The following RALGAPA1 variants were observed in gnomAD, a reference collection of about 807,000 sequenced individuals.
RALGAPA1 encodes Ral GTPase activating protein catalytic subunit alpha 1, also known as ral GTPase-activating protein subunit alpha-1.
In RALGAPA1, 52 loss-of-function variants were observed where a neutral mutation model predicts 269.6. That is an observed-to-expected ratio of 0.19 (90% CI 0.15 to 0.24). The LOEUF (loss-of-function observed/expected upper bound fraction) is 0.24, where lower values mean the gene tolerates loss of function less well. Among genes scored for constraint, RALGAPA1 ranks in the 10% least tolerant of loss-of-function variants. RALGAPA1 has a pLI of 1.00. For missense variants in RALGAPA1, 1,917 were observed against 3,013.9 expected (o/e 0.64, Z 8.52); for synonymous variants, 817 against 1,008.3 (o/e 0.81, Z 3.60).
Position 35,770,959 on chromosome 14 carries a change from C to T in RALGAPA1, c.308G>A (p.Trp103Ter). Reference protein sequence around the residue: ...QLLPERIHQRWQFHSIGLILK... With the variant: ...QLLPERIHQR ...TTACTTACCAATACTATGAAACTGC[C>T]ATCGCTGATGAATTCTTTCTGGAAG... Residue 103 changes from tryptophan to a stop codon, truncating the protein, a stop_gained, in exon 4 of 42, where the codon TGG becomes TAG. Coordinates refer to ENST00000680220, the MANE Select transcript of RALGAPA1 (RefSeq NM_001346249.2). LOFTEE classifies it high-confidence loss of function. 1.5e-6 allele frequency: 2 copies of T among 1,376,392 alleles called. No homozygotes were observed. The highest frequency in any genetic ancestry group is 2.0e-6 in the Non-Finnish European group (2 of 994,064). 85.3% of individuals were successfully genotyped at this position (1,376,392 alleles called of 1,614,324 possible). A position where few individuals can be genotyped will look rare whatever the true frequency, so the allele number is the denominator to read the frequency against.
At chr14:35,585,675 G>A (rs917190317) in intron 37 of RALGAPA1, among the ~76,000 whole-genome samples, 5 of 152,156 alleles carry the variant, frequency 3.3e-5, no homozygotes, top group African/African-American at 1.2e-4. Flanking sequence ...CATATGGCTA[G>A]CCAGTTTCCC....
chr14:35,627,568 C>T lies in RALGAPA1; in HGVS notation c.6379G>A (p.Gly2127Ser), dbSNP rs2061070899. The T allele has an allele frequency of 6.4e-7, 1 of 1,574,062 alleles. No individual in the cohort carries two copies. The highest frequency in any genetic ancestry group is 1.2e-5 in the South Asian group (1 of 82,878). ...ATGAAAGATGTAGGTTCTGACAAGC[C>T]ACTTACAGGAGGTGGGCCATACAGT... The part of the protein sequence containing the change: ...AILYGPPPVS[G>S]LSEPTSFMLS... The change falls in exon 34 of 42, where the codon GGC (glycine) becomes AGC (serine). Residue 2127 changes from glycine to serine, a missense_variant. Physicochemically the swap from Gly to Ser is moderately conservative, Grantham distance 56. Transcript: ENST00000680220.
chr14:35,567,974 T>A (rs548535139), intron 39 of RALGAPA1, among the ~76,000 whole-genome samples: 5 of 152,242 alleles, frequency 3.3e-5, no homozygotes, highest in African/African-American at 1.2e-4. Context: ...TAGGATATAG[T>A]GAACTGTGAA....
chr14:35,558,190 T>A (rs995849974), intron 39 of RALGAPA1, among the ~76,000 whole-genome samples: 1 of 152,216 alleles, frequency 6.6e-6, no homozygotes, highest in Admixed American at 6.5e-5. Context: ...GAAATAGTTA[T>A]GAGCTACTCA....
chr14:35,650,292 C>T (rs1222783768), intron 31 of RALGAPA1, among the ~76,000 whole-genome samples: 2 of 151,704 alleles, frequency 1.3e-5, no homozygotes, highest in Non-Finnish European at 2.9e-5. Flanking sequence ...GGCTGAAGCA[C>T]GAGAACCGCT....
At chr14:35,639,077 C>T (rs769444518) in intron 31 of RALGAPA1, among the ~76,000 whole-genome samples, 8 of 151,920 alleles carry the variant, frequency 5.3e-5, no homozygotes, top group Non-Finnish European at 1.2e-4. Context: ...CCTATAAAGA[C>T]ACACATATAG....
chr14:35,672,067 T>C (rs1468637716), intron 25 of RALGAPA1, among the ~76,000 whole-genome samples: 1 of 152,208 alleles, frequency 6.6e-6, no homozygotes, highest in East Asian at 1.9e-4. Context: ...TACAGTGTAT[T>C]CAGTTGTATT....
chr14:35,659,448 A>T (rs1239827523), intron 27 of RALGAPA1, among the ~76,000 whole-genome samples: 3 of 152,126 alleles, frequency 2.0e-5, no homozygotes, highest in Non-Finnish European at 4.4e-5. Context: ...AAGTAGAATT[A>T]ATAGCTCATA....
At chr14:35,631,264 AC>A (rs1479660222) in intron 33 of RALGAPA1, among the ~76,000 whole-genome samples, 1 of 152,166 alleles carries the variant, frequency 6.6e-6, no homozygotes, top group Non-Finnish European at 1.5e-5. Context: ...TTCCCTCTTT[AC>A]CACAGCTCTA....
chr14:35,645,622 T>G (rs1379734202), intron 31 of RALGAPA1, among the ~76,000 whole-genome samples: 1 of 150,856 alleles, frequency 6.6e-6, no homozygotes, highest in African/African-American at 2.4e-5. Context: ...TCCCAGCTAC[T>G]CGGGAGGCTG....
At chr14:35,610,893 A>C (rs1566816481) in intron 35 of RALGAPA1, among the ~76,000 whole-genome samples, 1 of 152,238 alleles carries the variant, frequency 6.6e-6, no homozygotes, top group Non-Finnish European at 1.5e-5. Context: ...AATAGCACCC[A>C]AAAGAATAAT....
chr14:35,778,498 G>A (rs548140693), intron 1 of RALGAPA1, among the ~76,000 whole-genome samples: 3 of 152,214 alleles, frequency 2.0e-5, no homozygotes, highest in Admixed American at 2.0e-4. Flanking sequence ...TGTTTCAAAT[G>A]TCTTATTGTC....
At chr14:35,654,268 C>T in intron 30 of RALGAPA1, 99 bp downstream of exon 30, 2 of 1,261,278 alleles carry the variant, frequency 1.6e-6, no homozygotes, top group Non-Finnish European at 2.1e-6. Context: ...TTTAGCTATG[C>T]AAAAAAATTT....
At chr14:35,575,577 T>A (rs2057500871) in intron 37 of RALGAPA1, among the ~76,000 whole-genome samples, 1 of 152,112 alleles carries the variant, frequency 6.6e-6, no homozygotes. Context: ...ATTTTATGAA[T>A]TCACAAATCA....
At chr14:35,763,124 T>C (rs1292955541) in intron 4 of RALGAPA1, among the ~76,000 whole-genome samples, 1 of 152,196 alleles carries the variant, frequency 6.6e-6, no homozygotes, top group Admixed American at 6.5e-5. Flanking sequence ...TGAACATCCT[T>C]AACTGTAATA....
At chr14:35,791,040 G>T (rs1350381440) in intron 1 of RALGAPA1, among the ~76,000 whole-genome samples, 1 of 152,154 alleles carries the variant, frequency 6.6e-6, no homozygotes, top group African/African-American at 2.4e-5. Flanking sequence ...AAGTGACCCA[G>T]GAGGTTGAGA....
chr14:35,727,881 G>A (rs914957234), intron 13 of RALGAPA1, among the ~76,000 whole-genome samples: 3 of 152,162 alleles, frequency 2.0e-5, no homozygotes, highest in African/African-American at 7.2e-5. Flanking sequence ...GGTGCCCAGG[G>A]AAGAACAACT....
intron 10 of RALGAPA1, among the ~76,000 whole-genome samples, chr14:35,747,442 C>T (rs2072223571): frequency 6.6e-6 from 1 of 152,144 alleles, no homozygotes; most frequent in African/African-American, 2.4e-5. Flanking sequence ...ATTCTGTAAA[C>T]ACAAACCTTA....
chr14:35,771,351 GCCAC>G (rs1444302822), intron 3 of RALGAPA1, among the ~76,000 whole-genome samples: 4 of 152,032 alleles, frequency 2.6e-5, no homozygotes, highest in Admixed American at 6.6e-5. Context: ...CCGAGATCAC[GCCAC>G]TGCCCTCCAG....
Sources: allele counts gnomAD v4.1 joint callset (sites outside exome capture counted in the v4.1 genomes callset), GRCh38; gene constraint gnomAD v4.1.1; transcripts MANE v1.5; gene names NCBI Gene and HGNC (gene_info 2026-07-23, HGNC 2026-07-21).